The following GRIK4 variants were observed in gnomAD, a reference collection of about 807,000 sequenced individuals.
GRIK4 encodes glutamate ionotropic receptor kainate type subunit 4.
Under a neutral mutation model 104.9 loss-of-function variants are expected in GRIK4, and 40 were observed. The ratio of observed to expected loss-of-function variants is 0.38; its 90% CI spans 0.30 to 0.50. The LOEUF is 0.50. Ranked by LOEUF, GRIK4 falls within the 20% of genes least tolerant of loss-of-function variation. GRIK4 has a pLI of 0.93. For synonymous variants in GRIK4, 485 were observed against 524.9 expected (o/e 0.92, Z 1.04); for missense variants, 1,047 against 1,308.1 (o/e 0.80, Z 3.08).
intron 3 of GRIK4, among the ~76,000 whole-genome samples, chr11:120,701,902 G>A (rs555969861): frequency 9.9e-5 from 15 of 151,176 alleles, no homozygotes; most frequent in Non-Finnish European, 1.6e-4. Flanking sequence ...TGATGGTCTG[G>A]ATATGAGATG....
At chr11:120,908,266 A>C (rs1038056590) in intron 13 of GRIK4, among the ~76,000 whole-genome samples, 1 of 152,188 alleles carries the variant, frequency 6.6e-6, no homozygotes, top group African/African-American at 2.4e-5. Flanking sequence ...GATCTGAGAA[A>C]ACACACATCT....
chr11:120,516,916 C>G (rs984396498), intron 1 of GRIK4, among the ~76,000 whole-genome samples: 1 of 152,032 alleles, frequency 6.6e-6, no homozygotes, highest in African/African-American at 2.4e-5. Flanking sequence ...CCCTGGGCGG[C>G]GGCTGCTGCG....
chr11:120,734,581 T>C (rs1408406609), intron 3 of GRIK4, among the ~76,000 whole-genome samples: 1 of 152,206 alleles, frequency 6.6e-6, no homozygotes, highest in African/African-American at 2.4e-5. Flanking sequence ...ATTGATATCT[T>C]TCTCTAGGTT....
chr11:120,554,389 C>T (rs1198095644), intron 1 of GRIK4, among the ~76,000 whole-genome samples: 3 of 152,162 alleles, frequency 2.0e-5, no homozygotes, highest in African/African-American at 4.8e-5. Context: ...CATTGGATGA[C>T]GATGTCTCCC....
In GRIK4 at chr11:120,925,111, G is replaced by A. The variant is rs529626784; in HGVS notation, c.1477-15236G>A. ...TAGCAGGAGCTGTAGGGGATGGGGT[G>A]AAAAAGTGGGAACAGAGAAGGAGCA... is the stretch of plus-strand genomic sequence containing the variant. On this transcript the variant is annotated intron_variant, in intron 13 of 20. Transcript: ENST00000527524. 9.9e-5 allele frequency among the ~76,000 whole-genome samples: 15 copies of A among 152,254 alleles called. 1 individual carries two copies. In the South Asian group the frequency reaches 3.1e-3, roughly 32 times the overall value.
chr11:120,962,909 ATTAG>A (rs1247982196), intron 18 of GRIK4: 2 of 444,346 alleles, frequency 4.5e-6, no homozygotes, highest in Non-Finnish European at 7.9e-6. Flanking sequence ...GAGCTAGTTG[ATTAG>A]TTACTGATTG....
intron 1 of GRIK4, among the ~76,000 whole-genome samples, chr11:120,577,999 A>G (rs1158646198): frequency 2.6e-5 from 4 of 152,190 alleles, no homozygotes; most frequent in African/African-American, 7.2e-5. Flanking sequence ...TCCTTTCAGC[A>G]GAGTGAGTTG....
intron 8 of GRIK4, among the ~76,000 whole-genome samples, chr11:120,850,064 C>T (rs1041037814): frequency 6.6e-6 from 1 of 152,188 alleles, no homozygotes; most frequent in Non-Finnish European, 1.5e-5. Context: ...AGAGACCATT[C>T]TTGGGTCCTT....
At chr11:120,867,221 C>T (rs1954445400) in intron 9 of GRIK4, among the ~76,000 whole-genome samples, 1 of 152,178 alleles carries the variant, frequency 6.6e-6, no homozygotes, top group African/African-American at 2.4e-5. Context: ...TCTCTCAAGG[C>T]TTCTCACTTT....
chr11:120,923,566 C>T (rs1943272870), intron 13 of GRIK4, among the ~76,000 whole-genome samples: 1 of 151,916 alleles, frequency 6.6e-6, no homozygotes, highest in Non-Finnish European at 1.5e-5. Flanking sequence ...GCACCCACCA[C>T]CACCCCTGGC....
At chr11:120,720,396 G>A (rs1242075429) in intron 3 of GRIK4, among the ~76,000 whole-genome samples, 1 of 152,204 alleles carries the variant, frequency 6.6e-6, no homozygotes, top group African/African-American at 2.4e-5. Context: ...TTTTCCCATT[G>A]CATTCTGGGT....
chr11:120,779,756 C>T (rs561181611), intron 3 of GRIK4, among the ~76,000 whole-genome samples: 2 of 152,244 alleles, frequency 1.3e-5, no homozygotes, highest in Non-Finnish European at 2.9e-5. Flanking sequence ...CATTGCTTCT[C>T]ACTCTCTCCT....
chr11:120,573,387 C>T (rs1195033669), intron 1 of GRIK4, among the ~76,000 whole-genome samples: 1 of 152,302 alleles, frequency 6.6e-6, no homozygotes, highest in South Asian at 2.1e-4. Flanking sequence ...TGGCACGTGG[C>T]TGTTGAGGGG....
At chr11:120,747,848 A>T (rs937548375) in intron 3 of GRIK4, among the ~76,000 whole-genome samples, 1 of 152,240 alleles carries the variant, frequency 6.6e-6, no homozygotes, top group Non-Finnish European at 1.5e-5. Context: ...CTACGCACAC[A>T]TGCAAACCTA....
intron 12 of GRIK4, among the ~76,000 whole-genome samples, chr11:120,904,884 A>G (rs192205111): frequency 2.0e-5 from 3 of 152,310 alleles, no homozygotes; most frequent in East Asian, 1.9e-4. Context: ...CTGCAGTTGC[A>G]CATGTACCTG....
At chr11:120,608,927 G>C (rs1036863495) in intron 1 of GRIK4, among the ~76,000 whole-genome samples, 3 of 152,200 alleles carry the variant, frequency 2.0e-5, no homozygotes, top group African/African-American at 7.2e-5. Flanking sequence ...TTCAGAGCTA[G>C]TCTGCAACCC....
intron 14 of GRIK4, among the ~76,000 whole-genome samples, chr11:120,947,218 A>G (rs910683928): frequency 5.3e-5 from 8 of 152,204 alleles, no homozygotes; most frequent in African/African-American, 1.7e-4. Context: ...CCTGACCAAC[A>G]TGGTGAAACG....
At chr11:120,938,882 G>A (rs985273721) in intron 13 of GRIK4, among the ~76,000 whole-genome samples, 4 of 152,182 alleles carry the variant, frequency 2.6e-5, no homozygotes, top group African/African-American at 9.7e-5. Flanking sequence ...CAGAAAATCT[G>A]ATCCAGGAAG....
In GRIK4 at chr11:120,620,005, G is replaced by A. The variant is rs1194593908; in HGVS notation, c.-158-33680G>A. ...GTGTAATTGGGAGTTTGGGAATCTC[G>A]GTGGAGCTGTTAGCGTAGTGAACCT... On this transcript the variant is annotated intron_variant, in intron 1 of 20. Transcript: ENST00000527524. 21 of 521,946 alleles carry A rather than the reference G, an allele frequency of 4.0e-5. 2 individuals are homozygous for A. In the South Asian group the frequency reaches 5.6e-4, roughly 14 times the overall value. 32.3% of individuals were successfully genotyped at this position (521,946 alleles called of 1,614,324 possible).
Sources: allele counts gnomAD v4.1 joint callset (sites outside exome capture counted in the v4.1 genomes callset), GRCh38; gene constraint gnomAD v4.1.1; transcripts MANE v1.5; gene names NCBI Gene and HGNC (gene_info 2026-07-23, HGNC 2026-07-21).